The following PRKN variants were observed in gnomAD, a reference collection of about 807,000 sequenced individuals.
The protein encoded by PRKN is parkin RBR E3 ubiquitin protein ligase, also known as E3 ubiquitin-protein ligase parkin.
PRKN carries 56 observed loss-of-function variants against 59.5 expected under a neutral mutation model. The ratio of observed to expected loss-of-function variants is 0.94; its 90% CI spans 0.76 to 1.18. The LOEUF (loss-of-function observed/expected upper bound fraction) is 1.18. PRKN is among the 50% of genes most tolerant of loss of function. The pLI is 0.00. For synonymous variants in PRKN, 250 were observed against 222.1 expected (o/e 1.13, Z -1.12); for missense variants, 657 against 596.4 (o/e 1.10, Z -1.06).
At position 161,905,581 on chromosome 6, in the gene PRKN, C is replaced by G. The variant is rs535250372; in HGVS notation, c.734+67721G>C. Among the ~76,000 whole-genome samples the G allele has an allele frequency of 3.9e-5, 6 of 152,244 alleles. No homozygotes were observed. The South Asian group carries it at 1.2e-3, about 32-fold the overall frequency. Reference sequence around the variant, plus strand: ...AAGTTGACTCCTTCCTTTTCAGATCCGCTTCCAAGCTGTCTTTCTGGAATT... The same window carrying G: ...AAGTTGACTCCTTCCTTTTCAGATCGGCTTCCAAGCTGTCTTTCTGGAATT... On this transcript the variant is annotated intron_variant, in intron 6 of 11. Coordinates refer to ENST00000366898, the MANE Select transcript of PRKN (RefSeq NM_004562.3).
chr6:162,006,134 T>C (rs908099335), intron 5 of PRKN, among the ~76,000 whole-genome samples: 2 of 152,324 alleles, frequency 1.3e-5, no homozygotes, highest in African/African-American at 2.4e-5. Flanking sequence ...GATTTTATTT[T>C]GTCTAATGAC....
chr6:162,649,359 A>C (rs1032723792), intron 1 of PRKN, among the ~76,000 whole-genome samples: 2 of 152,180 alleles, frequency 1.3e-5, no homozygotes, highest in Non-Finnish European at 2.9e-5. Flanking sequence ...GAGCACTTTT[A>C]AGATAAGGGT....
intron 9 of PRKN, among the ~76,000 whole-genome samples, chr6:161,439,197 C>T (rs79402321): frequency 6.6e-6 from 1 of 152,176 alleles, no homozygotes; most frequent in Non-Finnish European, 1.5e-5. Flanking sequence ...CTGACGCCAA[C>T]GGGCTTCTCA....
intron 1 of PRKN, among the ~76,000 whole-genome samples, chr6:162,550,853 T>G (rs985110618): frequency 2.6e-5 from 4 of 152,144 alleles, no homozygotes; most frequent in Non-Finnish European, 5.9e-5. Context: ...CGCAGCCCAC[T>G]GGAGTGGCGT....
rs1226621816 is a variant in PRKN at position 161,538,275 on chromosome 6, AAG to A, written c.1083+10577_1083+10578del. Among the ~76,000 whole-genome samples, 1 of 152,178 alleles carries A rather than the reference AAG, an allele frequency of 6.6e-6. No homozygotes were observed. Among genetic ancestry groups the A allele is most frequent in the African/African-American group, 2.4e-5 (1 of 41,440 alleles). On this transcript the variant is annotated intron_variant, in intron 9 of 11. Transcript: ENST00000366898. This position sits in a 1 kb window ranked among gnomAD's most constrained non-coding sequence, Gnocchi z 4.2. ...TTCAAGAATGGGCAAACAGACAGGC[AAG>A]GGTTATACATTTGACCTGGGCCTTA...
chr6:162,187,670 A>G (rs942066806), intron 4 of PRKN, among the ~76,000 whole-genome samples: 3 of 152,162 alleles, frequency 2.0e-5, no homozygotes, highest in Admixed American at 6.5e-5. Flanking sequence ...TGAAACTTAA[A>G]GTTATCCATT....
At chr6:162,363,131 CAAAAAAAAAAAAAA>C (rs34722234) in intron 2 of PRKN, among the ~76,000 whole-genome samples, 2 of 98,390 alleles carry the variant, frequency 2.0e-5, no homozygotes, top group African/African-American at 3.7e-5. Context: ...CCTTCTCAAA[CAAAAAAAAAAAAAA>C]AAAAAAAAAA....
intron 4 of PRKN, among the ~76,000 whole-genome samples, chr6:162,161,722 C>A (rs1221778564): frequency 2.0e-5 from 3 of 152,186 alleles, no homozygotes; most frequent in Non-Finnish European, 4.4e-5. Flanking sequence ...CACTACGTCA[C>A]AATGCCTGGG....
At chr6:162,401,913 T>C (rs1463666736) in intron 2 of PRKN, among the ~76,000 whole-genome samples, 1 of 152,180 alleles carries the variant, frequency 6.6e-6, no homozygotes, top group Non-Finnish European at 1.5e-5. Context: ...GATAACTTTT[T>C]AACCAGCTTT....
chr6:162,388,586 T>C (rs1786973764), intron 2 of PRKN, among the ~76,000 whole-genome samples: 1 of 152,130 alleles, frequency 6.6e-6, no homozygotes, highest in Non-Finnish European at 1.5e-5. Flanking sequence ...AGGACAGGTG[T>C]GTTAATAACA....
chr6:161,606,142 G>A (rs186972398), intron 7 of PRKN, among the ~76,000 whole-genome samples: 3 of 152,292 alleles, frequency 2.0e-5, no homozygotes, highest in Admixed American at 6.5e-5. Flanking sequence ...ACATTTTAGG[G>A]AAAATGTCAT....
In PRKN at chr6:161,945,578, CA is replaced by C. The variant is rs370573371; in HGVS notation, c.734+27723del. Among the ~76,000 whole-genome samples the C allele has an allele frequency of 5.4e-3, 823 of 152,258 alleles. 9 individuals are homozygous for C. Among genetic ancestry groups the C allele is most frequent in the African/African-American group, 0.019 (781 of 41,556 alleles). On this transcript the variant is annotated intron_variant, in intron 6 of 11. Coordinates refer to ENST00000366898, the MANE Select transcript of PRKN (RefSeq NM_004562.3). ...GCATTCAAAGCCTTCTAGGACTTAACAGTAACCTATCTTTCTTTTTATCTCA... is the reference window on the plus strand; with the variant it reads ...GCATTCAAAGCCTTCTAGGACTTAACGTAACCTATCTTTCTTTTTATCTCA...
At chr6:161,477,878 A>T (rs1398434666) in intron 9 of PRKN, among the ~76,000 whole-genome samples, 1 of 152,122 alleles carries the variant, frequency 6.6e-6, no homozygotes, top group Admixed American at 6.5e-5. Context: ...GCAGGATGGA[A>T]TAGAGAGGGA....
intron 6 of PRKN, among the ~76,000 whole-genome samples, chr6:161,908,600 G>A (rs541504651): frequency 1.3e-5 from 2 of 149,142 alleles, no homozygotes; most frequent in Admixed American, 6.7e-5. Flanking sequence ...AAAAAAAAAC[G>A]AATAGTTTAA....
chr6:161,500,877 T>TTTC (rs1463456335), intron 9 of PRKN, among the ~76,000 whole-genome samples: 3 of 91,274 alleles, frequency 3.3e-5, no homozygotes, highest in Admixed American at 1.0e-4. Flanking sequence ...TTTTTTTTTC[T>TTTC]TTTTTTTTTT....
intron 7 of PRKN, among the ~76,000 whole-genome samples, chr6:161,637,180 G>C (rs1040898380): frequency 6.6e-6 from 1 of 152,112 alleles, no homozygotes; most frequent in Non-Finnish European, 1.5e-5. Context: ...TTTTTCTAAG[G>C]TATTCATGCA....
intron 2 of PRKN, among the ~76,000 whole-genome samples, chr6:162,276,286 A>G (rs1037220293): frequency 2.6e-5 from 4 of 152,138 alleles, no homozygotes; most frequent in African/African-American, 9.7e-5. Flanking sequence ...ATAATTACTC[A>G]TTATTTTAGA....
At chr6:161,680,481 G>A (rs1785276020) in intron 7 of PRKN, among the ~76,000 whole-genome samples, 1 of 152,010 alleles carries the variant, frequency 6.6e-6, no homozygotes, top group Non-Finnish European at 1.5e-5. Context: ...AATGAGGGGT[G>A]CCCTTCACGG....
intron 7 of PRKN, among the ~76,000 whole-genome samples, chr6:161,707,946 C>T (rs2128181335): frequency 6.6e-6 from 1 of 152,206 alleles, no homozygotes; most frequent in East Asian, 1.9e-4. Context: ...CTCTGAAAGT[C>T]TAAAAATGAT....
Sources: allele counts gnomAD v4.1 joint callset (sites outside exome capture counted in the v4.1 genomes callset), GRCh38; gene constraint gnomAD v4.1.1; non-coding constraint Gnocchi (gnomAD v3.1); transcripts MANE v1.5; gene names NCBI Gene and HGNC (gene_info 2026-07-23, HGNC 2026-07-21).